NUBPL: variants seen among roughly 807,000 people sequenced by gnomAD.
NUBPL encodes iron-sulfur cluster transfer protein NUBPL.
In NUBPL, 31 loss-of-function variants were observed where a neutral mutation model predicts 45.7. The observed-to-expected ratio is 0.68, with a 90% CI of 0.51 to 0.92. The LOEUF is 0.92. Ranked by LOEUF, NUBPL falls within the 40% of genes least tolerant of loss-of-function variation. The pLI, the probability that NUBPL is intolerant of heterozygous loss-of-function variation, is 0.00. For missense variants in NUBPL, 401 were observed against 398.7 expected, an observed-to-expected ratio of 1.01 and a Z score of -0.05; for synonymous variants, 144 against 140.9, an observed-to-expected ratio of 1.02 and a Z score of -0.15.
At chr14:31,653,577 GTTCCCTGA>G (rs2036065823) in intron 4 of NUBPL, among the ~76,000 whole-genome samples, 1 of 152,132 alleles carries the variant, frequency 6.6e-6, no homozygotes, top group African/African-American at 2.4e-5. Flanking sequence ...GTCTTTCCTT[GTTCCCTGA>G]AAATCGCTGT....
intron 6 of NUBPL, among the ~76,000 whole-genome samples, chr14:31,695,014 A>G (rs1178369475): frequency 6.6e-6 from 1 of 152,246 alleles, no homozygotes; most frequent in Admixed American, 6.5e-5. Flanking sequence ...CTGTTGTGCA[A>G]TGTTTTATTT....
At position 31,775,192 on chromosome 14, in the gene NUBPL, C is replaced by T. The variant is rs372340055; in HGVS notation, c.514-12588C>T. On this transcript the variant is annotated intron_variant, in intron 6 of 10. Coordinates refer to ENST00000281081, the MANE Select transcript of NUBPL (RefSeq NM_025152.3). ...CAACACTTTGGGAGGCCGAGGTGGG[C>T]GGATCACCTAAGGTCAGGAGTTCAA... Among the ~76,000 whole-genome samples the T allele has an allele frequency of 4.3e-4, 65 of 152,122 alleles. 1 individual carries two copies. The highest frequency in any genetic ancestry group is 6.8e-3 in the Middle Eastern group (2 of 294).
intron 6 of NUBPL, among the ~76,000 whole-genome samples, chr14:31,722,601 CT>C (rs1157977055): frequency 2.0e-5 from 3 of 152,124 alleles, no homozygotes; most frequent in African/African-American, 7.2e-5. Flanking sequence ...TCGCCAGTAT[CT>C]GTTATTTTTT....
At chr14:31,572,321 A>T (rs2033608305) in intron 3 of NUBPL, among the ~76,000 whole-genome samples, 1 of 151,800 alleles carries the variant, frequency 6.6e-6, no homozygotes, top group Admixed American at 6.6e-5. Flanking sequence ...TTGTATTTTT[A>T]GTAGAGACAG....
chr14:31,607,530 A>G (rs2034636484), intron 4 of NUBPL, among the ~76,000 whole-genome samples: 1 of 152,000 alleles, frequency 6.6e-6, no homozygotes, highest in South Asian at 2.1e-4. Flanking sequence ...TAAATTTAAC[A>G]AAGAGATTGA....
At chr14:31,683,352 CTTTTTTT>C (rs34890900) in intron 6 of NUBPL, among the ~76,000 whole-genome samples, 5 of 91,032 alleles carry the variant, frequency 5.5e-5, no homozygotes, top group Non-Finnish European at 6.1e-5. Context: ...ATAAAACAAT[CTTTTTTT>C]TTTTTTTTTT....
chr14:31,668,839 G>A (rs958746423), intron 4 of NUBPL, among the ~76,000 whole-genome samples: 5 of 152,112 alleles, frequency 3.3e-5, no homozygotes, highest in African/African-American at 4.8e-5. Context: ...GACACCCCAC[G>A]CTGCTTCTGC....
At chr14:31,764,444 A>G (rs887929512) in intron 6 of NUBPL, among the ~76,000 whole-genome samples, 2 of 152,190 alleles carry the variant, frequency 1.3e-5, no homozygotes, top group African/African-American at 4.8e-5. Flanking sequence ...TGCTTGGCAC[A>G]TGTAAATGTT....
chr14:31,605,497 C>T (rs1443860897), intron 4 of NUBPL, among the ~76,000 whole-genome samples: 1 of 152,056 alleles, frequency 6.6e-6, no homozygotes, highest in African/African-American at 2.4e-5. Context: ...AGTAGGATCC[C>T]CTTGTCTTTT....
At chr14:31,764,341 A>C (rs182653605) in intron 6 of NUBPL, among the ~76,000 whole-genome samples, 1 of 152,154 alleles carries the variant, frequency 6.6e-6, no homozygotes, top group Non-Finnish European at 1.5e-5. Context: ...GGGATGTACT[A>C]ATTGGTTTCT....
chr14:31,675,541 T>C (rs1023080505), intron 6 of NUBPL, among the ~76,000 whole-genome samples: 3 of 152,216 alleles, frequency 2.0e-5, no homozygotes, highest in Non-Finnish European at 4.4e-5. Flanking sequence ...TACAGAAGAA[T>C]GTACAAATCA....
At chr14:31,745,040 CTTTTTTTTTATT>C (rs2038365920) in intron 6 of NUBPL, among the ~76,000 whole-genome samples, 1 of 96,500 alleles carries the variant, frequency 1.0e-5, no homozygotes, top group African/African-American at 1.2e-4. Context: ...TAGGTTATTT[CTTTTTTTTTATT>C]TTTATTTTTA....
intron 8 of NUBPL, among the ~76,000 whole-genome samples, chr14:31,840,230 TAC>T (rs367709874): frequency 6.6e-6 from 1 of 151,858 alleles, no homozygotes; most frequent in Admixed American, 6.6e-5. Flanking sequence ...TAAAAATGTG[TAC>T]ACACACACAC....
At chr14:31,662,929 C>T (rs561766484) in intron 4 of NUBPL, among the ~76,000 whole-genome samples, 23 of 152,178 alleles carry the variant, frequency 1.5e-4, no homozygotes, top group Non-Finnish European at 2.4e-4. Flanking sequence ...TTAATGATCG[C>T]CATTCTAACT....
intron 8 of NUBPL, among the ~76,000 whole-genome samples, chr14:31,836,423 G>A (rs1300227423): frequency 6.6e-6 from 1 of 152,126 alleles, no homozygotes; most frequent in Non-Finnish European, 1.5e-5. Context: ...TAATGTTTCT[G>A]CTATTAAAGG....
At chr14:31,652,965 G>A (rs544643118) in intron 4 of NUBPL, among the ~76,000 whole-genome samples, 42 of 152,272 alleles carry the variant, frequency 2.8e-4, no homozygotes, top group East Asian at 1.9e-3. Context: ...GTGACATCAC[G>A]TATCAGTAGG....
At chr14:31,574,119 T>C (rs112183691) in intron 3 of NUBPL, among the ~76,000 whole-genome samples, 8 of 152,224 alleles carry the variant, frequency 5.3e-5, no homozygotes, top group Non-Finnish European at 7.3e-5. Flanking sequence ...AATGAAGTAA[T>C]TAAAATCTGA....
chr14:31,689,581 G>A (rs1025618513), intron 6 of NUBPL, among the ~76,000 whole-genome samples: 5 of 152,070 alleles, frequency 3.3e-5, no homozygotes, highest in Non-Finnish European at 7.4e-5. Context: ...CAGATGCATA[G>A]TTTGTGAATA....
At chr14:31,781,148 CAG>C (rs1478613941) in intron 6 of NUBPL, among the ~76,000 whole-genome samples, 1 of 152,198 alleles carries the variant, frequency 6.6e-6, no homozygotes, top group Non-Finnish European at 1.5e-5. Context: ...CTTCCTTCAA[CAG>C]AATCATAGGT....
Sources: allele counts gnomAD v4.1 joint callset (sites outside exome capture counted in the v4.1 genomes callset), GRCh38; gene constraint gnomAD v4.1.1; transcripts MANE v1.5; gene names NCBI Gene and HGNC (gene_info 2026-07-23, HGNC 2026-07-21).